Variants in WDR90 observed in about 807,000 individuals in gnomAD.
The protein encoded by WDR90 is WD repeat domain 90, also known as WD repeat-containing protein 90.
Under a neutral mutation model 195.2 loss-of-function variants are expected in WDR90, and 238 were observed. The ratio of observed to expected loss-of-function variants is 1.22; its 90% CI spans 1.10 to 1.36. The LOEUF (loss-of-function observed/expected upper bound fraction) is 1.36. Ranked by LOEUF, WDR90 falls within the 40% of genes most tolerant of loss-of-function variation. The pLI, the probability that WDR90 is intolerant of heterozygous loss-of-function variation, is 0.00. For missense variants in WDR90, 2,734 were observed against 2,439.5 expected, an observed-to-expected ratio of 1.12 and a Z score of -2.54; for synonymous variants, 1,265 against 1,052.4, an observed-to-expected ratio of 1.20 and a Z score of -3.91.
intron 27 of WDR90, 71 bp downstream of exon 27, chr16:660,232 A>C: frequency 7.3e-7 from 1 of 1,364,862 alleles, no homozygotes; most frequent in Non-Finnish European, 9.8e-7. Context: ...GCTCCCCAGC[A>C]CCTCCTCAGG....
At chr16:658,417 C>T in intron 22 of WDR90, 73 bp downstream of exon 22, 1 of 1,582,484 alleles carries the variant, frequency 6.3e-7, no homozygotes, top group African/African-American at 1.3e-5. Flanking sequence ...GTGCCTGCAG[C>T]CTCTCCAGCT....
rs753186042 is a variant in WDR90 at position 660,097 on chromosome 16, C to G, written c.3224C>G (p.Thr1075Ser). The change falls in exon 27 of 41, where the codon ACC becomes AGC. Residue 1075 changes from threonine (T) to serine (S), a missense_variant. Physicochemically the swap from Thr to Ser is moderately conservative, Grantham distance 58 (BLOSUM62 1). Coordinates refer to ENST00000293879, the MANE Select transcript of WDR90 (RefSeq NM_145294.5). Reference sequence around the variant, plus strand: ...AGGAATTCGGGGGCCCCACGCACCACCTACCTGGCTTCCTGCAAGGCCTTC... The same window carrying G: ...AGGAATTCGGGGGCCCCACGCACCAGCTACCTGGCTTCCTGCAAGGCCTTC... Reference protein sequence around the residue: ...DTRNSGAPRTTYLASCKAFTP... With the variant: ...DTRNSGAPRTSYLASCKAFTP... 7 of 1,548,618 alleles carry G rather than the reference C, an allele frequency of 4.5e-6. No individual in the cohort carries two copies. The South Asian group carries it at 8.3e-5, about 18-fold the overall frequency.
chr16:664,435 G>T (rs986511420), intron 34 of WDR90, among the ~76,000 whole-genome samples: 2 of 152,218 alleles, frequency 1.3e-5, no homozygotes. Flanking sequence ...TAGATCATGT[G>T]TGTGTCCATC....
chr16:657,318 G>A, intron 20 of WDR90, 97 bp downstream of exon 20: 3 of 1,438,374 alleles, frequency 2.1e-6, no homozygotes, highest in Non-Finnish European at 2.7e-6. Flanking sequence ...CGGTTTCCTG[G>A]TGCACCGACT....
chr16:656,085 G>T, intron 17 of WDR90, 196 bp downstream of exon 17: 1 of 776,258 alleles, frequency 1.3e-6, no homozygotes. Flanking sequence ...CTCACGGAAG[G>T]GCCCGGTGGG....
chr16:662,392 C>T, intron 33 of WDR90, 61 bp downstream of exon 33: 1 of 1,521,828 alleles, frequency 6.6e-7, no homozygotes, highest in Non-Finnish European at 8.8e-7. Context: ...CTGACTGGGG[C>T]TTGCAGCCAG....
Position 665,708 on chromosome 16 carries a change from G to C in WDR90, c.4341G>C (p.Glu1447Asp). The change falls in exon 35 of 41, where the codon GAG (glutamate) becomes GAC (aspartate). Residue 1447 changes from glutamate to aspartate, a missense_variant. Coordinates refer to ENST00000293879, the MANE Select transcript of WDR90 (RefSeq NM_145294.5). ...ACGAGGTGGTCTTCAGCCCCGGGGAGTCCCACTGCGCCACATGCAGTGAGG... is the reference window on the plus strand; with the variant it reads ...ACGAGGTGGTCTTCAGCCCCGGGGACTCCCACTGCGCCACATGCAGTGAGG... ...KVNEVVFSPGESHCATCSEDG... is the reference protein window; with the variant it reads ...KVNEVVFSPGDSHCATCSEDG... 6.2e-7 allele frequency: 1 copy of C among 1,612,658 alleles called. No individual in the cohort carries two copies. The highest frequency in any genetic ancestry group is 8.5e-7 in the Non-Finnish European group (1 of 1,179,876).
chr16:662,975 G>A (rs1029843371), intron 34 of WDR90, 131 bp downstream of exon 34: 2 of 1,384,282 alleles, frequency 1.4e-6, no homozygotes, highest in African/African-American at 1.4e-5. Flanking sequence ...CCGCCTTGGG[G>A]TTCCCAGCGG....
chr16:661,140 A>G lies in WDR90; in HGVS notation c.3481A>G (p.Ile1161Val), dbSNP rs2037903726. 6.4e-7 allele frequency: 1 copy of G among 1,560,758 alleles called. No individual in the cohort carries two copies. The highest frequency in any genetic ancestry group is 8.6e-7 in the Non-Finnish European group (1 of 1,160,356). ...QQHWSGHSAE[I>V]STLALSHSAQ... ...GCACTGGTCCGGCCACTCTGCGGAG[A>G]TCTCCACGCTGGCCCTCAGCCACAG... Residue 1161 changes from isoleucine (I) to valine (V), a missense_variant, in exon 29 of 41, where the codon ATC (isoleucine) becomes GTC (valine). Ile to Val is a conservative substitution (Grantham distance 29). Transcript: ENST00000293879.
chr16:662,465 G>A (rs1180706768), intron 33 of WDR90, 134 bp downstream of exon 33: 4 of 1,278,180 alleles, frequency 3.1e-6, no homozygotes, highest in Non-Finnish European at 4.3e-6. Context: ...CAAGGGACAG[G>A]CTTGGGTGTG....
At chr16:658,464 G>T in intron 22 of WDR90, 61 bp from the exon 23 acceptor site, 1 of 1,581,718 alleles carries the variant, frequency 6.3e-7, no homozygotes, top group Non-Finnish European at 8.6e-7. Context: ...AACGAAGGGA[G>T]GCCCCAGGCT....
intron 34 of WDR90, among the ~76,000 whole-genome samples, chr16:664,136 T>G (rs2037973261): frequency 6.6e-6 from 1 of 152,278 alleles, no homozygotes; most frequent in South Asian, 2.1e-4. Context: ...AAGCTCCGTG[T>G]GTTTCAGGGG....
Position 667,451 on chromosome 16 carries a change from A to G in WDR90, c.5109A>G (p.Val1703=). The G allele has an allele frequency of 6.2e-7, 1 of 1,603,658 alleles. No homozygotes were observed. ...VGFAECMLRL[V]DCAMGTAQDF... ...CCACAGAGTGCATGCTGAGGCTGGTAGACTGTGCCATGGGGACTGCCCAAG... is the reference window on the plus strand; with the variant it reads ...CCACAGAGTGCATGCTGAGGCTGGTGGACTGTGCCATGGGGACTGCCCAAG... The change falls in exon 41 of 41, where the codon GTA becomes GTG. Residue 1703 remains valine, a synonymous_variant. Transcript: ENST00000293879.
At chr16:662,428 T>A in intron 33 of WDR90, 97 bp downstream of exon 33, 1 of 1,437,540 alleles carries the variant, frequency 7.0e-7, no homozygotes, top group Non-Finnish European at 9.4e-7. Context: ...AAGGCCGCCC[T>A]GCAGACCGGC....
Position 661,396 on chromosome 16 carries a change from G to A in WDR90, c.3568G>A (p.Val1190Ile), listed in dbSNP as rs772636061. Residue 1190 changes from valine (V) to isoleucine (I), a missense_variant, in exon 30 of 41, where the codon GTC (valine) becomes ATC (isoleucine). Transcript: ENST00000293879. Reference sequence around the variant, plus strand: ...CACGACCGCCCATTGTCAGATCCGCGTCTGGGACGTGTCTGGCGGCCTCTG... The same window carrying A: ...CACGACCGCCCATTGTCAGATCCGCATCTGGGACGTGTCTGGCGGCCTCTG... ...SSTTAHCQIR[V>I]WDVSGGLCQH... is the part of the protein sequence containing the mutation. 1.9e-5 allele frequency: 30 copies of A among 1,611,806 alleles called. No homozygotes were observed. The highest frequency in any genetic ancestry group is 8.0e-5 in the African/African-American group (6 of 74,920).
intron 35 of WDR90, 33 bp downstream of exon 35, chr16:665,834 T>C: frequency 1.1e-6 from 1 of 905,940 alleles, no homozygotes; most frequent in Non-Finnish European, 1.6e-6. Context: ...GGGGGCGGGA[T>C]GGGGGCCTGC....
At position 666,580 on chromosome 16, in the gene WDR90, A is replaced by T. The variant is rs1188765131; in HGVS notation, c.4866A>T (p.Pro1622=). Residue 1622 remains proline (P), a synonymous_variant, in exon 38 of 41, where the codon CCA becomes CCT. Transcript: ENST00000293879. Reference sequence around the variant, plus strand: ...AGCTTGTGGACTGGTTGAGTTTCCCAATGCCTGCCACCACGGAGGTAAACC... The same window carrying T: ...AGCTTGTGGACTGGTTGAGTTTCCCTATGCCTGCCACCACGGAGGTAAACC... ...HCELVDWLSF[P]MPATTETQGH... 1 of 1,612,414 alleles carries T rather than the reference A, an allele frequency of 6.2e-7. No homozygotes were observed. The highest frequency in any genetic ancestry group is 1.3e-5 in the African/African-American group (1 of 74,898).
At chr16:659,905 G>A (rs2037857329) in intron 26 of WDR90, among the ~76,000 whole-genome samples, 153 bp from the exon 27 acceptor site, 1 of 152,204 alleles carries the variant, frequency 6.6e-6, no homozygotes, top group Non-Finnish European at 1.5e-5. Flanking sequence ...AGTGGGACAC[G>A]GTTTGCCTGC....
At chr16:649,683 C>T in intron 1 of WDR90, 80 bp from the exon 2 acceptor site, 2 of 1,371,162 alleles carry the variant, frequency 1.5e-6, no homozygotes. Flanking sequence ...CCTGCCTGGT[C>T]CCCGAGGCCC....
Sources: gnomAD v4.1 joint callset for allele counts (sites outside exome capture counted in the v4.1 genomes callset) on GRCh38, gnomAD v4.1.1 for gene constraint, MANE v1.5 for transcripts, NCBI Gene and HGNC (gene_info 2026-07-23, HGNC 2026-07-21) for gene names.